The following MOB3B variants were observed in gnomAD, a reference collection of about 807,000 sequenced individuals.
The protein encoded by MOB3B is MOB kinase activator 3B, also known as MOB kinase activator-like 2B.
A neutral mutation model predicts 18.7 loss-of-function variants in MOB3B; 7 were observed. The observed-to-expected ratio is 0.37, with a 90% CI of 0.21 to 0.70. The LOEUF (loss-of-function observed/expected upper bound fraction) is 0.70, where lower values mean the gene tolerates loss of function less well. MOB3B is among the 30% of genes least tolerant of loss of function. The pLI is 0.52. For missense variants in MOB3B, 253 were observed against 281.3 expected (o/e 0.90, Z 0.72); for synonymous variants, 111 against 99.9 (o/e 1.11, Z -0.66).
At chr9:27,374,145 T>G (rs1821459581) in intron 2 of MOB3B, among the ~76,000 whole-genome samples, 1 of 152,228 alleles carries the variant, frequency 6.6e-6, no homozygotes, top group African/African-American at 2.4e-5. Context: ...TTGAACCTGT[T>G]CTGGTTCTCA....
At chr9:27,337,759 C>T (rs1393607894) in intron 3 of MOB3B, among the ~76,000 whole-genome samples, 2 of 152,072 alleles carry the variant, frequency 1.3e-5, no homozygotes, top group East Asian at 1.9e-4. Context: ...AGTGTCGTGG[C>T]GCTATGAGAG....
At chr9:27,478,235 C>T (rs1819585216) in intron 1 of MOB3B, among the ~76,000 whole-genome samples, 4 of 152,148 alleles carry the variant, frequency 2.6e-5, no homozygotes, top group African/African-American at 2.4e-5. Context: ...TCAGGACCTA[C>T]AAGACTCCCT....
rs1563890474 is a variant in MOB3B, at chr9:27,524,478, CTGAGTAGTA to C, written c.-199+5068_-199+5076del. 3.1e-6 allele frequency: 5 copies of C among 1,613,976 alleles called. No homozygotes were observed. The Admixed American group carries it at 6.7e-5, about 22-fold the overall frequency. On this transcript the variant is annotated intron_variant, in intron 1 of 3. Coordinates refer to ENST00000262244, the MANE Select transcript of MOB3B (RefSeq NM_024761.5). ...AGTCACCTGGCAAAATCTGAGACAT[CTGAGTAGTA>C]TGAGCAATTCATTTCCTGTAGAATG...
At chr9:27,375,403 A>G (rs1303266090) in intron 2 of MOB3B, among the ~76,000 whole-genome samples, 2 of 152,240 alleles carry the variant, frequency 1.3e-5, no homozygotes, top group African/African-American at 4.8e-5. Context: ...ATGTTTTGCA[A>G]TACAAGAGTT....
intron 1 of MOB3B, among the ~76,000 whole-genome samples, chr9:27,469,682 G>C (rs957569161): frequency 2.0e-5 from 3 of 152,194 alleles, no homozygotes; most frequent in African/African-American, 7.2e-5. Flanking sequence ...GGACAGACCT[G>C]GGGCTGAAAA....
chr9:27,371,799 C>T (rs1009950485), intron 2 of MOB3B, among the ~76,000 whole-genome samples: 2 of 151,940 alleles, frequency 1.3e-5, no homozygotes, highest in Non-Finnish European at 2.9e-5. Flanking sequence ...AGATCTAGGA[C>T]TGCCAGACCT....
intron 1 of MOB3B, among the ~76,000 whole-genome samples, chr9:27,507,471 A>C (rs1479724560): frequency 6.6e-6 from 1 of 152,170 alleles, no homozygotes; most frequent in Non-Finnish European, 1.5e-5. Flanking sequence ...CCCAAATGTC[A>C]ACTGGTCTAG....
At chr9:27,398,113 A>C (rs1821828212) in intron 2 of MOB3B, among the ~76,000 whole-genome samples, 1 of 152,182 alleles carries the variant, frequency 6.6e-6, no homozygotes, top group Non-Finnish European at 1.5e-5. Context: ...AATTAAAGCA[A>C]ATTTACCTTT....
chr9:27,336,332 G>C lies in MOB3B; in HGVS notation c.622-5716C>G, dbSNP rs76590522. Among the ~76,000 whole-genome samples, 1,201 of 130,564 alleles carry C rather than the reference G, an allele frequency of 9.2e-3. 16 individuals carry two copies. The highest frequency in any genetic ancestry group is 0.045 in the Middle Eastern group (13 of 286). The allele number at this position is 130,564 out of a possible 152,430, so 85.7% of individuals were successfully genotyped here. The stretch of plus-strand genomic sequence containing the variant: ...TTGTTTCTGTTGTAAAATGGATAAG[G>C]GGGGGGAAGAGCTACCACAGCAGCA... On this transcript the variant is annotated intron_variant, in intron 3 of 3. Transcript: ENST00000262244.
At chr9:27,419,835 G>C (rs546285636) in intron 2 of MOB3B, among the ~76,000 whole-genome samples, 3 of 151,988 alleles carry the variant, frequency 2.0e-5, no homozygotes, top group Non-Finnish European at 4.4e-5. Context: ...GCTTTTGCAC[G>C]AAAAAAGGAA....
At position 27,506,823 on chromosome 9, in the gene MOB3B, C is replaced by G. The variant is rs894366548; in HGVS notation, c.-199+22732G>C. On this transcript the variant is annotated intron_variant, in intron 1 of 3. Coordinates refer to ENST00000262244, the MANE Select transcript of MOB3B (RefSeq NM_024761.5). ...GGGATTACAGGCGTGAGCCACCACA[C>G]CCCGGCTAATTTTTTTTTTTTTTTT... Among the ~76,000 whole-genome samples the G allele has an allele frequency of 2.7e-5, 4 of 150,130 alleles. No individual in the cohort carries two copies. The Admixed American group carries it at 2.7e-4, about 10-fold the overall frequency.
At chr9:27,518,420 G>T (rs1295025542) in intron 1 of MOB3B, among the ~76,000 whole-genome samples, 2 of 152,158 alleles carry the variant, frequency 1.3e-5, no homozygotes, top group Non-Finnish European at 2.9e-5. Context: ...AACATCCTCA[G>T]AAGTAAAAGC....
At chr9:27,334,531 A>G (rs1333846682) in intron 3 of MOB3B, among the ~76,000 whole-genome samples, 2 of 152,178 alleles carry the variant, frequency 1.3e-5, no homozygotes, top group Admixed American at 1.3e-4. Flanking sequence ...TTCTGATCTA[A>G]ACACTTTTTA....
At chr9:27,467,514 C>T (rs1819403384) in intron 1 of MOB3B, among the ~76,000 whole-genome samples, 1 of 152,222 alleles carries the variant, frequency 6.6e-6, no homozygotes, top group Non-Finnish European at 1.5e-5. Flanking sequence ...AAGCACATGA[C>T]CCTCAAAAAG....
intron 2 of MOB3B, among the ~76,000 whole-genome samples, chr9:27,444,132 G>C (rs1462435441): frequency 6.7e-6 from 1 of 148,428 alleles, no homozygotes; most frequent in Non-Finnish European, 1.5e-5. Flanking sequence ...GAAAGAAAGA[G>C]AGAGAGAGAA....
chr9:27,488,088 T>A (rs1819758219), intron 1 of MOB3B, among the ~76,000 whole-genome samples: 1 of 152,228 alleles, frequency 6.6e-6, no homozygotes, highest in African/African-American at 2.4e-5. Flanking sequence ...ATCTGCTGTT[T>A]CAGCCTCAAA....
chr9:27,337,358 T>C (rs1490946879), intron 3 of MOB3B, among the ~76,000 whole-genome samples: 1 of 152,236 alleles, frequency 6.6e-6, no homozygotes, highest in African/African-American at 2.4e-5. Flanking sequence ...TTGAGAACAC[T>C]GACCATCTTG....
chr9:27,469,501 C>A (rs1265932207), intron 1 of MOB3B, among the ~76,000 whole-genome samples: 1 of 152,138 alleles, frequency 6.6e-6, no homozygotes, highest in East Asian at 1.9e-4. Context: ...CTACCCATTC[C>A]GTGTGCATCT....
Position 27,505,710 on chromosome 9 carries a change from T to A in MOB3B, c.-199+23845A>T, listed in dbSNP as rs1441820481. Among the ~76,000 whole-genome samples the A allele has an allele frequency of 2.6e-5, 4 of 152,298 alleles. No individual in the cohort carries two copies. In the East Asian group the frequency reaches 7.7e-4, roughly 29 times the overall value. On this transcript the variant is annotated intron_variant, in intron 1 of 3. Coordinates refer to ENST00000262244, the MANE Select transcript of MOB3B (RefSeq NM_024761.5). Reference sequence around the variant, plus strand: ...GCTGTCTTACCAGAATTATATTAATTCTCCTGGAGTGGTTTCTTCTCTTGC... The same window carrying A: ...GCTGTCTTACCAGAATTATATTAATACTCCTGGAGTGGTTTCTTCTCTTGC...
Sources: allele counts gnomAD v4.1 joint callset (sites outside exome capture counted in the v4.1 genomes callset), GRCh38; gene constraint gnomAD v4.1.1; transcripts MANE v1.5; gene names NCBI Gene and HGNC (gene_info 2026-07-23, HGNC 2026-07-21).